The following ARHGAP26 variants were observed in gnomAD, a reference collection of about 807,000 sequenced individuals.
ARHGAP26 encodes rho GTPase-activating protein 26.
A neutral mutation model predicts 104.8 loss-of-function variants in ARHGAP26; 38 were observed. The ratio of observed to expected loss-of-function variants is 0.36; its 90% CI spans 0.28 to 0.48. The LOEUF (loss-of-function observed/expected upper bound fraction) is 0.48. ARHGAP26 is among the 20% of genes least tolerant of loss of function. The pLI is 0.99. For missense variants in ARHGAP26, 704 were observed against 947.9 expected (o/e 0.74, Z 3.38); for synonymous variants, 341 against 340.0 (o/e 1.00, Z -0.03).
intron 11 of ARHGAP26, among the ~76,000 whole-genome samples, chr5:142,956,379 C>T (rs758821041): frequency 8.6e-5 from 13 of 152,004 alleles, no homozygotes; most frequent in Non-Finnish European, 1.6e-4. Context: ...AATTCAAGAC[C>T]AGACTGGACA....
At chr5:143,140,771 C>A (rs1393624095) in intron 19 of ARHGAP26, among the ~76,000 whole-genome samples, 1 of 152,090 alleles carries the variant, frequency 6.6e-6, no homozygotes, top group Non-Finnish European at 1.5e-5. Context: ...GGAGTGGATT[C>A]TTGGGCCTTG....
intron 18 of ARHGAP26, among the ~76,000 whole-genome samples, chr5:143,124,969 C>T (rs1298028272): frequency 6.6e-6 from 1 of 152,172 alleles, no homozygotes; most frequent in Non-Finnish European, 1.5e-5. Context: ...CTCTGCATTG[C>T]CATTTTTTAT....
At chr5:143,168,445 C>A (rs200893634) in intron 20 of ARHGAP26, 1 of 25,708 alleles carries the variant, frequency 3.9e-5, no homozygotes, top group East Asian at 1.9e-3. Context: ...ATCTGGAACT[C>A]TTTTTTTTTT....
At chr5:142,992,440 A>ATT (rs538548504) in intron 11 of ARHGAP26, among the ~76,000 whole-genome samples, 1,794 of 146,258 alleles carry the variant, frequency 0.012, 42 homozygotes, top group African/African-American at 0.038. Context: ...TTTATTTTTT[A>ATT]TTTTTTTTTT....
rs1235184498 is a variant in ARHGAP26 at position 143,228,126 on chromosome 5, A to C, written c.*5680A>C. The C allele has an allele frequency of 1.8e-5, 4 of 225,216 alleles. No individual in the cohort carries two copies. The highest frequency in any genetic ancestry group is 2.7e-5 in the Non-Finnish European group (3 of 113,118). The allele number at this position is 225,216 out of a possible 1,614,324, so 14.0% of individuals were successfully genotyped here. ...AGACATTCTATACTGTTCTACGTCA[A>C]CCATTTCTACAAAGTTGTCCAGACA... is the stretch of plus-strand genomic sequence containing the variant. On this transcript the variant is annotated 3_prime_UTR_variant, in exon 23 of 23. Coordinates refer to ENST00000645722, the MANE Select transcript of ARHGAP26 (RefSeq NM_001135608.3).
chr5:142,889,595 G>C (rs1367915832), intron 5 of ARHGAP26, among the ~76,000 whole-genome samples: 2 of 152,136 alleles, frequency 1.3e-5, no homozygotes, highest in Admixed American at 1.3e-4. Context: ...TCCAGCCTGG[G>C]CAACAGAGCG....
chr5:142,854,469 C>T (rs760772739), intron 1 of ARHGAP26, among the ~76,000 whole-genome samples: 7 of 152,160 alleles, frequency 4.6e-5, no homozygotes, highest in Non-Finnish European at 8.8e-5. Flanking sequence ...GTGTCTTATT[C>T]TCCATGCCTC....
At chr5:142,853,969 G>A (rs1751952113) in intron 1 of ARHGAP26, among the ~76,000 whole-genome samples, 1 of 152,206 alleles carries the variant, frequency 6.6e-6, no homozygotes, top group South Asian at 2.1e-4. Context: ...ATGTGGCAGG[G>A]TGGTGTGTTT....
intron 11 of ARHGAP26, among the ~76,000 whole-genome samples, chr5:142,994,836 T>C (rs1391189706): frequency 3.3e-5 from 5 of 152,202 alleles, no homozygotes; most frequent in Non-Finnish European, 1.5e-5. Context: ...CTCCATTTTA[T>C]AGATGGGGTA....
chr5:142,938,643 T>G (rs192839637), intron 11 of ARHGAP26, among the ~76,000 whole-genome samples: 1 of 152,180 alleles, frequency 6.6e-6, no homozygotes, highest in Non-Finnish European at 1.5e-5. Context: ...CACACCCAAC[T>G]TGAAGTATTT....
intron 10 of ARHGAP26, among the ~76,000 whole-genome samples, chr5:142,930,810 A>G (rs1764608392): frequency 6.6e-6 from 1 of 152,200 alleles, no homozygotes; most frequent in Non-Finnish European, 1.5e-5. Context: ...AAAGAATCAA[A>G]TGTGACTTTT....
rs149895913 is a variant in ARHGAP26 at position 142,980,966 on chromosome 5, T to C, written c.1108-33114T>C. The stretch of plus-strand genomic sequence containing the variant: ...TCGTAGTAGTAGTTGTCATTGTCGT[T>C]GTAGTGTCACACTTGGTGTTTATTT... On this transcript the variant is annotated intron_variant, in intron 11 of 22. Transcript: ENST00000645722. Among the ~76,000 whole-genome samples, 734 of 152,258 alleles carry C rather than the reference T, an allele frequency of 4.8e-3. 4 individuals are homozygous for C. Among genetic ancestry groups the C allele is most frequent in the Non-Finnish European group, 7.8e-3 (528 of 68,032 alleles).
rs531073573 is a variant in ARHGAP26, at chr5:143,148,995, G to T, written c.1988+1614G>T. 9.2e-5 allele frequency among the ~76,000 whole-genome samples: 14 copies of T among 152,284 alleles called. No homozygotes were observed. The South Asian group carries it at 2.9e-3, about 32-fold the overall frequency. On this transcript the variant is annotated intron_variant, in intron 20 of 22. Coordinates refer to ENST00000645722, the MANE Select transcript of ARHGAP26 (RefSeq NM_001135608.3). ...CCTGAGTCACTGCTGAGTACAGTGT[G>T]TACAAAGAGGTTGCTTAAGCAGCTA...
chr5:142,831,531 A>G (rs1337376772), intron 1 of ARHGAP26, among the ~76,000 whole-genome samples: 4 of 152,082 alleles, frequency 2.6e-5, no homozygotes, highest in African/African-American at 7.2e-5. Flanking sequence ...TCCATTTCCA[A>G]CTGCATGCCT....
intron 19 of ARHGAP26, among the ~76,000 whole-genome samples, chr5:143,138,575 G>A (rs879496000): frequency 1.2e-4 from 18 of 152,176 alleles, no homozygotes; most frequent in African/African-American, 2.9e-4. Flanking sequence ...AGATAGGAAC[G>A]GTGGTCTGTG....
chr5:142,812,700 C>T (rs1432315404), intron 1 of ARHGAP26, among the ~76,000 whole-genome samples: 5 of 151,932 alleles, frequency 3.3e-5, no homozygotes, highest in Non-Finnish European at 7.4e-5. Flanking sequence ...TCATGTCCAG[C>T]TAATTAAAAA....
intron 1 of ARHGAP26, among the ~76,000 whole-genome samples, chr5:142,782,665 TGA>T (rs370650319): frequency 1.6e-3 from 248 of 152,176 alleles, no homozygotes; most frequent in African/African-American, 5.5e-3. Flanking sequence ...CCAGTTTAGG[TGA>T]GGACTGTTTG....
chr5:142,885,118 C>T (rs1378820124), intron 4 of ARHGAP26, among the ~76,000 whole-genome samples, 180 bp from the exon 5 acceptor site: 1 of 152,212 alleles, frequency 6.6e-6, no homozygotes, highest in Non-Finnish European at 1.5e-5. Flanking sequence ...TGCCTCTCTG[C>T]TAGACACTCA....
intron 11 of ARHGAP26, among the ~76,000 whole-genome samples, chr5:142,979,193 T>C (rs1039026305): frequency 1.3e-5 from 2 of 152,220 alleles, no homozygotes; most frequent in Non-Finnish European, 2.9e-5. Flanking sequence ...TTAAAGAAGA[T>C]AGGAATTTGT....
Sources: allele counts gnomAD v4.1 joint callset (sites outside exome capture counted in the v4.1 genomes callset), GRCh38; gene constraint gnomAD v4.1.1; transcripts MANE v1.5; gene names NCBI Gene and HGNC (gene_info 2026-07-23, HGNC 2026-07-21).